RPH3AL: variants seen among roughly 807,000 people sequenced by gnomAD.
The protein encoded by RPH3AL is rab effector Noc2.
Under a neutral mutation model 43.1 loss-of-function variants are expected in RPH3AL, and 38 were observed. The observed-to-expected ratio is 0.88, with a 90% CI of 0.68 to 1.15. The LOEUF (loss-of-function observed/expected upper bound fraction) is 1.15. RPH3AL is among the 50% of genes most tolerant of loss of function. The probability of loss-of-function intolerance (pLI) is 0.00; values close to 1 mark genes in which losing one functional copy is unlikely to be tolerated. For synonymous variants in RPH3AL, 189 were observed against 176.3 expected (o/e 1.07, Z -0.57); for missense variants, 462 against 423.2 (o/e 1.09, Z -0.81).
At chr17:241,721 C>CTTTTTTTTTTTTTTTTTTTTTTTT (rs58397357) in intron 7 of RPH3AL, among the ~76,000 whole-genome samples, 3 of 134,008 alleles carry the variant, frequency 2.2e-5, no homozygotes, top group Admixed American at 7.6e-5. Flanking sequence ...CTTTTTTTTT[C>CTTTTTTTTTTTTTTTTTTTTTTTT]TTTTTTTTTT....
At position 326,993 on chromosome 17, in the gene RPH3AL, C is replaced by T. The variant is rs531438552; in HGVS notation, c.77+474G>A. On this transcript the variant is annotated intron_variant, in intron 3 of 9. Transcript: ENST00000331302. The stretch of plus-strand genomic sequence containing the variant: ...TTCAGCCTCAGGGGCAGCGCCTCGT[C>T]CACTGCAACAGACTTTTGTTCCCCC... 4.5e-4 allele frequency among the ~76,000 whole-genome samples: 69 copies of T among 152,342 alleles called. No individual in the cohort carries two copies. In the South Asian group the frequency reaches 0.014, roughly 30 times the overall value.
intron 6 of RPH3AL, chr17:247,595 C>G: frequency 3.0e-6 from 1 of 336,092 alleles, no homozygotes; most frequent in Non-Finnish European, 5.5e-6. Flanking sequence ...ACGCGGTCCT[C>G]CTGCCTCAGT....
At chr17:280,059 C>T (rs2042742203) in intron 6 of RPH3AL, among the ~76,000 whole-genome samples, 1 of 152,238 alleles carries the variant, frequency 6.6e-6, no homozygotes, top group African/African-American at 2.4e-5. Flanking sequence ...GAGGAAAATA[C>T]TTTCACAACA....
chr17:326,049 T>G (rs1181628485), intron 3 of RPH3AL, among the ~76,000 whole-genome samples: 1 of 151,472 alleles, frequency 6.6e-6, no homozygotes, highest in Non-Finnish European at 1.5e-5. Context: ...GGGTCAGGAG[T>G]CCTGCTGGGC....
At chr17:286,689 G>A (rs2042921574) in intron 5 of RPH3AL, among the ~76,000 whole-genome samples, 1 of 152,172 alleles carries the variant, frequency 6.6e-6, no homozygotes, top group Admixed American at 6.5e-5. Flanking sequence ...TTCACGATCT[G>A]TGTCTAGGAC....
intron 2 of RPH3AL, chr17:331,665 G>T (rs778970010): frequency 7.8e-7 from 1 of 1,288,036 alleles, no homozygotes; most frequent in Non-Finnish European, 1.0e-6. Flanking sequence ...CCCTGACTCG[G>T]CAGCAAGGAG....
At chr17:351,487 C>T (rs565694631) in intron 1 of RPH3AL, among the ~76,000 whole-genome samples, 2 of 152,116 alleles carry the variant, frequency 1.3e-5, no homozygotes, top group African/African-American at 4.8e-5. Flanking sequence ...AGAATCGTAC[C>T]CACATGTCTG....
In RPH3AL at chr17:321,476, T is replaced by C. The variant is rs536044416; in HGVS notation, c.78-61A>G. On this transcript the variant is annotated intron_variant, in intron 3 of 9. Transcript: ENST00000331302. ...CCCCGGTGCAAACTCCGGCAGCCCC[T>C]ACCACATCCACCAAGCCCCCCCGAG... The C allele has an allele frequency of 3.4e-6, 5 of 1,477,506 alleles. No individual in the cohort carries two copies. The South Asian group carries it at 5.5e-5, about 16-fold the overall frequency. 91.5% of individuals were successfully genotyped at this position (1,477,506 alleles called of 1,614,324 possible).
At chr17:251,149 C>A (rs1354773441) in intron 6 of RPH3AL, among the ~76,000 whole-genome samples, 2 of 152,212 alleles carry the variant, frequency 1.3e-5, no homozygotes, top group African/African-American at 2.4e-5. Flanking sequence ...CCTCACTGCC[C>A]CTTCCAGCCA....
Position 245,137 on chromosome 17 carries a change from C to T in RPH3AL, c.613+1974G>A, listed in dbSNP as rs1292866088. Among the ~76,000 whole-genome samples the T allele has an allele frequency of 7.3e-6, 1 of 137,238 alleles. No individual in the cohort carries two copies. The highest frequency in any genetic ancestry group is 2.8e-5 in the African/African-American group (1 of 35,816). 90.0% of individuals were successfully genotyped at this position (137,238 alleles called of 152,430 possible). The stretch of plus-strand genomic sequence containing the variant: ...TGGATGTGTGTGTGGATGTGTGTGT[C>T]CATGTGGATGTGTGTGTGCACATGG... On this transcript the variant is annotated intron_variant, in intron 7 of 9. Coordinates refer to ENST00000331302, the MANE Select transcript of RPH3AL (RefSeq NM_006987.4). This position sits in a 1 kb window ranked among gnomAD's most constrained non-coding sequence, Gnocchi z 5.9.
intron 4 of RPH3AL, 70 bp from the exon 5 acceptor site, chr17:319,619 A>T: frequency 6.3e-7 from 1 of 1,575,448 alleles, no homozygotes; most frequent in Non-Finnish European, 8.6e-7. Context: ...GAGGCCCGAA[A>T]CCGTACCATG....
At chr17:291,390 A>C (rs1018054164) in intron 5 of RPH3AL, among the ~76,000 whole-genome samples, 1 of 152,088 alleles carries the variant, frequency 6.6e-6, no homozygotes, top group Non-Finnish European at 1.5e-5. Flanking sequence ...TCTCATTTTA[A>C]AAAATAATAA....
At chr17:295,066 C>T (rs559630870) in intron 5 of RPH3AL, among the ~76,000 whole-genome samples, 4 of 130,512 alleles carry the variant, frequency 3.1e-5, no homozygotes, top group Middle Eastern at 7.5e-3. Context: ...AGAGGGAATG[C>T]ACATCAGTGT....
chr17:282,767 C>A (rs1013256693), intron 5 of RPH3AL, among the ~76,000 whole-genome samples: 8 of 152,222 alleles, frequency 5.3e-5, no homozygotes, highest in African/African-American at 1.9e-4. Context: ...CTGCTGTATT[C>A]TGTGGCTGCT....
At chr17:326,879 C>T (rs1417917710) in intron 3 of RPH3AL, among the ~76,000 whole-genome samples, 1 of 152,150 alleles carries the variant, frequency 6.6e-6, no homozygotes, top group African/African-American at 2.4e-5. Context: ...AAGCCAGGAC[C>T]CCCAAGGGAA....
chr17:252,670 C>A (rs965860835), intron 6 of RPH3AL, among the ~76,000 whole-genome samples: 1 of 152,168 alleles, frequency 6.6e-6, no homozygotes, highest in South Asian at 2.1e-4. Flanking sequence ...GCCATCACCC[C>A]GCACCCACCC....
At chr17:347,597 C>G (rs967982958) in intron 1 of RPH3AL, among the ~76,000 whole-genome samples, 10 of 151,800 alleles carry the variant, frequency 6.6e-5, no homozygotes, top group African/African-American at 2.4e-4. Context: ...AAAAAACCAG[C>G]CCAGCCACTT....
At chr17:341,864 G>A (rs1361895562) in intron 1 of RPH3AL, among the ~76,000 whole-genome samples, 1 of 152,112 alleles carries the variant, frequency 6.6e-6, no homozygotes, top group Non-Finnish European at 1.5e-5. Flanking sequence ...ATCGTAATTT[G>A]TAAATCTGTC....
chr17:234,425 G>GCGGCTACTTACCCTGACCAACTTCCCC, intron 7 of RPH3AL: 1 of 168,008 alleles, frequency 6.0e-6, no homozygotes, highest in East Asian at 1.9e-4. Flanking sequence ...TGAGCAGGGA[G>GCGGCTACTTACCCTGACCAACTTCCCC]GTATCGGAAG....
Sources: gnomAD v4.1 joint callset for allele counts (sites outside exome capture counted in the v4.1 genomes callset) on GRCh38, gnomAD v4.1.1 for gene constraint, Gnocchi (gnomAD v3.1) non-coding constraint, MANE v1.5 for transcripts, NCBI Gene and HGNC (gene_info 2026-07-23, HGNC 2026-07-21) for gene names.